Variants in USH2A observed in about 807,000 individuals in gnomAD.
USH2A encodes Usher syndrome 2A (autosomal recessive, mild).
USH2A carries 443 observed loss-of-function variants against 538.9 expected under a neutral mutation model. The ratio of observed to expected loss-of-function variants is 0.82; its 90% CI spans 0.76 to 0.89. USH2A has a LOEUF of 0.89. USH2A is among the 40% of genes least tolerant of loss of function. The pLI, the probability that USH2A is intolerant of heterozygous loss-of-function variation, is 0.00. For synonymous variants in USH2A, 2,413 were observed against 2,273.5 expected (o/e 1.06, Z -1.75); for missense variants, 6,633 against 6,324.8 (o/e 1.05, Z -1.65).
rs543042663 is a variant in USH2A, at chr1:216,042,876, C to T, written c.6325+3555G>A. 3.3e-5 allele frequency among the ~76,000 whole-genome samples: 5 copies of T among 152,068 alleles called. No homozygotes were observed. The East Asian group carries it at 9.7e-4, about 29-fold the overall frequency. On this transcript the variant is annotated intron_variant, in intron 32 of 71. Transcript: ENST00000307340. ...TCCTCAGAGGAAGAGGAAAAAATAC[C>T]AAGGATGAAGTCACCTGAAAGAAAG... is the stretch of plus-strand genomic sequence containing the variant.
intron 11 of USH2A, among the ~76,000 whole-genome samples, chr1:216,274,916 A>G (rs1211796185): frequency 6.6e-6 from 1 of 152,122 alleles, no homozygotes; most frequent in Non-Finnish European, 1.5e-5. Context: ...GGAGTGTGCA[A>G]AAAGGTAAAA....
intron 61 of USH2A, among the ~76,000 whole-genome samples, chr1:215,682,540 T>C (rs1658271315): frequency 1.3e-5 from 2 of 152,150 alleles, no homozygotes; most frequent in South Asian, 2.1e-4. Context: ...GATTTCATTA[T>C]AGATTCGTTT....
chr1:216,001,709 G>A (rs114775196), intron 32 of USH2A, among the ~76,000 whole-genome samples: 19 of 152,228 alleles, frequency 1.2e-4, no homozygotes, highest in African/African-American at 4.6e-4. Flanking sequence ...AGAGATTAAT[G>A]AAATGCAACC....
intron 64 of USH2A, among the ~76,000 whole-genome samples, chr1:215,663,357 A>G (rs1458594206): frequency 6.6e-6 from 1 of 152,158 alleles, no homozygotes; most frequent in East Asian, 1.9e-4. Flanking sequence ...TTTAAATGAG[A>G]AAGGTGAAGT....
intron 21 of USH2A, among the ~76,000 whole-genome samples, chr1:216,156,196 T>A (rs949155957): frequency 1.3e-5 from 2 of 152,096 alleles, no homozygotes; most frequent in Non-Finnish European, 2.9e-5. Context: ...TTTATGTACA[T>A]GTCATCTCCC....
At chr1:215,993,729 A>G (rs983478925) in intron 34 of USH2A, among the ~76,000 whole-genome samples, 2 of 152,240 alleles carry the variant, frequency 1.3e-5, no homozygotes, top group Non-Finnish European at 2.9e-5. Flanking sequence ...TAAAACAACA[A>G]ATACAAAGCA....
intron 24 of USH2A, 131 bp downstream of exon 24, chr1:216,086,588 A>T: frequency 1.3e-6 from 1 of 747,686 alleles, no homozygotes; most frequent in Non-Finnish European, 2.2e-6. Flanking sequence ...ACCTAAAGGA[A>T]ATTTTTGGCA....
chr1:215,703,651 A>T (rs1033721860), intron 61 of USH2A, among the ~76,000 whole-genome samples: 2 of 152,092 alleles, frequency 1.3e-5, no homozygotes, highest in African/African-American at 2.4e-5. Flanking sequence ...ATAATGGTGG[A>T]CATCCCTCCC....
At chr1:215,811,425 T>C (rs1662672999) in intron 49 of USH2A, among the ~76,000 whole-genome samples, 1 of 152,128 alleles carries the variant, frequency 6.6e-6, no homozygotes, top group Non-Finnish European at 1.5e-5. Flanking sequence ...CCAGCTATTT[T>C]TCACACTCTT....
intron 32 of USH2A, among the ~76,000 whole-genome samples, chr1:216,025,830 T>A (rs1413892396): frequency 1.3e-5 from 2 of 152,094 alleles, no homozygotes; most frequent in Non-Finnish European, 2.9e-5. Flanking sequence ...GGATTTATGA[T>A]CTGCATCCTC....
chr1:216,194,265 T>G (rs2034786654), intron 19 of USH2A: 1 of 152,078 alleles, frequency 6.6e-6, no homozygotes, highest in Non-Finnish European at 1.5e-5. Context: ...GCCCTAGTGG[T>G]GCAATGCTTA....
chr1:216,333,889 T>C (rs1354301402), intron 4 of USH2A, among the ~76,000 whole-genome samples: 1 of 152,088 alleles, frequency 6.6e-6, no homozygotes, highest in African/African-American at 2.4e-5. Context: ...GCAGGATAAA[T>C]TGACATTTCC....
At chr1:215,813,405 T>A (rs1662758762) in intron 49 of USH2A, among the ~76,000 whole-genome samples, 1 of 152,148 alleles carries the variant, frequency 6.6e-6, no homozygotes, top group Non-Finnish European at 1.5e-5. Context: ...GGTGGAACAG[T>A]CAGCAATTCA....
intron 8 of USH2A, 23 bp from the exon 9 acceptor site, chr1:216,321,999 C>T (rs763135838): frequency 1.2e-6 from 2 of 1,611,226 alleles, no homozygotes; most frequent in Admixed American, 3.3e-5. Context: ...GCATCACACA[C>T]TCCTAAGGAA....
At chr1:216,276,771 C>T (rs1571650204) in intron 11 of USH2A, among the ~76,000 whole-genome samples, 2 of 152,028 alleles carry the variant, frequency 1.3e-5, no homozygotes, top group South Asian at 2.1e-4. Flanking sequence ...GGTAAACTCC[C>T]ATTTTTAAAA....
chr1:216,159,168 C>A (rs9727751), intron 21 of USH2A, among the ~76,000 whole-genome samples: 1,937 of 152,092 alleles, frequency 0.013, 50 homozygotes, highest in African/African-American at 0.045. Flanking sequence ...CTTTGACATA[C>A]CTAATACTTA....
chr1:216,151,083 C>T (rs970388970), intron 21 of USH2A, among the ~76,000 whole-genome samples: 9 of 152,064 alleles, frequency 5.9e-5, no homozygotes, highest in Admixed American at 4.6e-4. Context: ...TACCCAGCCC[C>T]GAAAATAACA....
chr1:215,955,974 C>T (rs1050446784), intron 37 of USH2A, among the ~76,000 whole-genome samples: 2 of 152,120 alleles, frequency 1.3e-5, no homozygotes, highest in Middle Eastern at 3.2e-3. Flanking sequence ...AAGGGAATTC[C>T]TTGCTGTAGG....
rs561175757 is a variant in USH2A at position 216,256,812 on chromosome 1, C to T, written c.1972-5714G>A. Among the ~76,000 whole-genome samples the T allele has an allele frequency of 5.7e-4, 86 of 151,944 alleles. 1 individual carries two copies. Among genetic ancestry groups the T allele is most frequent in the Middle Eastern group, 3.4e-3 (1 of 294 alleles). On this transcript the variant is annotated intron_variant, in intron 11 of 71. Coordinates refer to ENST00000307340, the MANE Select transcript of USH2A (RefSeq NM_206933.4). ...ACAAAATAAATGTTAATTGACTGTT[C>T]ATGTTATCAGTAAGGTTTTTGGTCA...
Sources: gnomAD v4.1 joint callset for allele counts (sites outside exome capture counted in the v4.1 genomes callset) on GRCh38, gnomAD v4.1.1 for gene constraint, MANE v1.5 for transcripts, NCBI Gene and HGNC (gene_info 2026-07-23, HGNC 2026-07-21) for gene names.